Variants in MDGA2 observed in about 807,000 individuals in gnomAD.
The protein encoded by MDGA2 is MAM domain containing glycosylphosphatidylinositol anchor 2, also known as MAM domain-containing glycosylphosphatidylinositol anchor protein 2.
Under a neutral mutation model 117.8 loss-of-function variants are expected in MDGA2, and 40 were observed. The observed-to-expected ratio is 0.34, with a 90% CI of 0.26 to 0.44. The LOEUF (loss-of-function observed/expected upper bound fraction) is 0.44. Among genes scored for constraint, MDGA2 ranks in the 20% least tolerant of loss-of-function variants. MDGA2 has a pLI of 1.00. For missense variants in MDGA2, 1,123 were observed against 1,250.6 expected (o/e 0.90, Z 1.54); for synonymous variants, 452 against 439.0 (o/e 1.03, Z -0.37).
intron 1 of MDGA2, among the ~76,000 whole-genome samples, chr14:47,409,645 G>T (rs918931726): frequency 6.6e-6 from 1 of 152,080 alleles, no homozygotes; most frequent in Admixed American, 6.6e-5. Context: ...ACACAGCAGA[G>T]GTCCTTCAGG....
chr14:47,669,059 C>A (rs985847525), intron 1 of MDGA2, among the ~76,000 whole-genome samples: 31 of 152,152 alleles, frequency 2.0e-4, no homozygotes, highest in Admixed American at 1.8e-3. Flanking sequence ...ATTGAACTCA[C>A]AAGGCTTATG....
At chr14:47,363,351 G>A (rs1301128280) in intron 1 of MDGA2, among the ~76,000 whole-genome samples, 3 of 151,994 alleles carry the variant, frequency 2.0e-5, no homozygotes, top group South Asian at 4.1e-4. Flanking sequence ...TCTGCCTCCC[G>A]GGTTCAAGCA....
At chr14:47,378,694 C>T (rs1005102364) in intron 1 of MDGA2, among the ~76,000 whole-genome samples, 1 of 152,106 alleles carries the variant, frequency 6.6e-6, no homozygotes, top group African/African-American at 2.4e-5. Flanking sequence ...TTGAACAAAG[C>T]CTCCAAGAAA....
chr14:47,463,009 TTG>T (rs113671829), intron 1 of MDGA2, among the ~76,000 whole-genome samples: 2 of 150,952 alleles, frequency 1.3e-5, no homozygotes, highest in Non-Finnish European at 3.0e-5. Context: ...AAAGAAATCT[TTG>T]TGTGTGTGTG....
At chr14:47,148,742 C>T (rs1170355724) in intron 3 of MDGA2, among the ~76,000 whole-genome samples, 3 of 152,132 alleles carry the variant, frequency 2.0e-5, no homozygotes, top group African/African-American at 7.2e-5. Flanking sequence ...TCTGGTGATT[C>T]AGTTGAAGTT....
chr14:47,591,531 G>A (rs1395054145), intron 1 of MDGA2, among the ~76,000 whole-genome samples: 2 of 152,000 alleles, frequency 1.3e-5, no homozygotes, highest in Non-Finnish European at 2.9e-5. Flanking sequence ...GATAAACATC[G>A]ATGTGAAAAT....
chr14:47,508,567 A>G (rs1337735745), intron 1 of MDGA2, among the ~76,000 whole-genome samples: 1 of 152,196 alleles, frequency 6.6e-6, no homozygotes, highest in Non-Finnish European at 1.5e-5. Context: ...TTCCATATGG[A>G]TATGAAATCT....
chr14:47,416,153 A>G (rs1892471003), intron 1 of MDGA2, among the ~76,000 whole-genome samples: 2 of 152,184 alleles, frequency 1.3e-5, no homozygotes, highest in African/African-American at 4.8e-5. Context: ...ATATCATTTA[A>G]ATCAGATATG....
At chr14:47,637,499 A>T (rs1266897768) in intron 1 of MDGA2, among the ~76,000 whole-genome samples, 2 of 152,198 alleles carry the variant, frequency 1.3e-5, no homozygotes, top group African/African-American at 4.8e-5. Context: ...AACCAGTACA[A>T]AAATTTAGTT....
At chr14:47,238,441 A>G (rs1355344709) in intron 2 of MDGA2, among the ~76,000 whole-genome samples, 2 of 146,330 alleles carry the variant, frequency 1.4e-5, no homozygotes, top group Non-Finnish European at 3.1e-5. Context: ...CTGGGTAAGC[A>G]TTGACAAGCA....
At chr14:47,446,956 T>C (rs1240497386) in intron 1 of MDGA2, among the ~76,000 whole-genome samples, 2 of 152,180 alleles carry the variant, frequency 1.3e-5, no homozygotes, top group African/African-American at 2.4e-5. Flanking sequence ...TGCATTCTTG[T>C]AGTGACTCTA....
intron 1 of MDGA2, among the ~76,000 whole-genome samples, chr14:47,446,475 G>T (rs1056325730): frequency 3.1e-4 from 40 of 127,548 alleles, no homozygotes; most frequent in African/African-American, 1.1e-3. Context: ...TTCCTTTAGG[G>T]TATGGTTCAC....
intron 1 of MDGA2, among the ~76,000 whole-genome samples, chr14:47,664,501 A>T (rs542236388): frequency 6.6e-6 from 1 of 152,322 alleles, no homozygotes; most frequent in African/African-American, 2.4e-5. Flanking sequence ...TCTTCTATGC[A>T]TCAGCCCACT....
At position 46,880,049 on chromosome 14, in the gene MDGA2, C is replaced by T. The variant is rs552271769; in HGVS notation, c.2416+1995G>A. ...AGTGATAAAAAGAATCACGTTTGGC[C>T]GGGTGCTGTGGCTCATGCCCGTAAT... On this transcript the variant is annotated intron_variant, in intron 11 of 16. Transcript: ENST00000399232. 5.9e-5 allele frequency among the ~76,000 whole-genome samples: 9 copies of T among 152,118 alleles called. No individual in the cohort carries two copies. In the South Asian group the frequency reaches 1.0e-3, roughly 18 times the overall value.
At chr14:47,319,557 C>T (rs1889915905) in intron 1 of MDGA2, among the ~76,000 whole-genome samples, 1 of 152,138 alleles carries the variant, frequency 6.6e-6, no homozygotes, top group Non-Finnish European at 1.5e-5. Flanking sequence ...TATTTAATCT[C>T]TTCAGGCTCA....
intron 1 of MDGA2, among the ~76,000 whole-genome samples, chr14:47,605,742 C>T (rs1896731044): frequency 6.6e-6 from 1 of 152,154 alleles, no homozygotes. Context: ...TGATAATCCC[C>T]CACAAAAGGC....
chr14:47,488,952 A>G (rs748007532), intron 1 of MDGA2, among the ~76,000 whole-genome samples: 4 of 152,038 alleles, frequency 2.6e-5, no homozygotes, highest in African/African-American at 4.8e-5. Flanking sequence ...AATTTGCAAA[A>G]CAACATAATT....
rs373036856 is a variant in MDGA2 at position 47,144,219 on chromosome 14, T to C, written c.651A>G (p.Gln217=). Residue 217 remains glutamine (Q), a synonymous_variant, in exon 4 of 17, where the codon CAA becomes CAG. Coordinates refer to ENST00000399232, the MANE Select transcript of MDGA2 (RefSeq NM_001113498.3). ...VHQSIGEAKE[Q]FYYERTVFLR... ...GGAACACTGTTCTCTCATAGTAAAATTGTTCTTTAGCTTCACCTATACTTT... is the reference window on the plus strand; with the variant it reads ...GGAACACTGTTCTCTCATAGTAAAACTGTTCTTTAGCTTCACCTATACTTT... 97 of 1,551,180 alleles carry C rather than the reference T, an allele frequency of 6.3e-5. No homozygotes were observed. Among genetic ancestry groups the C allele is most frequent in the Non-Finnish European group, 7.8e-5 (90 of 1,146,760 alleles).
intron 1 of MDGA2, among the ~76,000 whole-genome samples, chr14:47,418,024 T>C (rs1892508568): frequency 6.6e-6 from 1 of 151,990 alleles, no homozygotes. Flanking sequence ...AGTACAAATT[T>C]TCTATCTTAG....
Sources: allele counts gnomAD v4.1 joint callset (sites outside exome capture counted in the v4.1 genomes callset), GRCh38; gene constraint gnomAD v4.1.1; transcripts MANE v1.5; gene names NCBI Gene and HGNC (gene_info 2026-07-23, HGNC 2026-07-21).